Variants in TNS3 observed in about 807,000 individuals in gnomAD.
TNS3 encodes tensin 3.
In TNS3, 45 loss-of-function variants were observed where a neutral mutation model predicts 140.9. The ratio of observed to expected loss-of-function variants is 0.32; its 90% CI spans 0.25 to 0.41. The LOEUF is 0.41. Ranked by LOEUF, TNS3 falls within the 10% of genes least tolerant of loss-of-function variation. The probability of loss-of-function intolerance (pLI) is 1.00; values close to 1 mark genes in which losing one functional copy is unlikely to be tolerated. For missense variants in TNS3, 1,716 were observed against 1,906.7 expected (o/e 0.90, Z 1.86); for synonymous variants, 815 against 788.4 (o/e 1.03, Z -0.56).
At chr7:47,576,961 C>A (rs569364082) in intron 1 of TNS3, among the ~76,000 whole-genome samples, 3 of 152,354 alleles carry the variant, frequency 2.0e-5, no homozygotes, top group Non-Finnish European at 4.4e-5. Flanking sequence ...AGTATCGCCA[C>A]GAGTGTATTC....
chr7:47,298,821 G>A (rs6978716), intron 23 of TNS3, among the ~76,000 whole-genome samples: 2 of 152,258 alleles, frequency 1.3e-5, no homozygotes, highest in African/African-American at 2.4e-5. Flanking sequence ...TTCAATGTCT[G>A]CACCGTGGCC....
intron 20 of TNS3, among the ~76,000 whole-genome samples, chr7:47,342,013 G>A (rs1789046548): frequency 6.6e-6 from 1 of 152,234 alleles, no homozygotes; most frequent in East Asian, 1.9e-4. Flanking sequence ...AAGTGTTGAA[G>A]GTGTTCCTGT....
intron 1 of TNS3, chr7:47,557,231 A>G: frequency 2.3e-6 from 1 of 429,240 alleles, no homozygotes; most frequent in Non-Finnish European, 4.8e-6. Context: ...CGTAAGGGAG[A>G]GGCTGACTTT....
At chr7:47,410,932 TCTC>T (rs1323102694) in intron 13 of TNS3, among the ~76,000 whole-genome samples, 4 of 152,330 alleles carry the variant, frequency 2.6e-5, no homozygotes, top group South Asian at 2.1e-4. Context: ...TAATGGCTAA[TCTC>T]CTCCAAGAAC....
chr7:47,330,939 C>T (rs1788305303), intron 20 of TNS3, among the ~76,000 whole-genome samples: 3 of 152,186 alleles, frequency 2.0e-5, no homozygotes, highest in African/African-American at 4.8e-5. Context: ...CCCATCACCT[C>T]CCACATCTCT....
At chr7:47,567,176 G>A (rs1800448203) in intron 1 of TNS3, among the ~76,000 whole-genome samples, 2 of 152,102 alleles carry the variant, frequency 1.3e-5, no homozygotes, top group Admixed American at 6.6e-5. Flanking sequence ...TTCATACTGT[G>A]CAACAATCTA....
chr7:47,324,742 A>T (rs189847036), intron 20 of TNS3, among the ~76,000 whole-genome samples: 1 of 152,330 alleles, frequency 6.6e-6, no homozygotes, highest in Admixed American at 6.5e-5. Flanking sequence ...ACAAAGTGAG[A>T]CTCCATCTAA....
At chr7:47,474,979 C>G (rs1238185311) in intron 4 of TNS3, among the ~76,000 whole-genome samples, 1 of 149,020 alleles carries the variant, frequency 6.7e-6, no homozygotes, top group Admixed American at 6.7e-5. Context: ...ACACTACACA[C>G]ACTGCAACGC....
At chr7:47,344,541 C>G (rs1052671227) in intron 20 of TNS3, among the ~76,000 whole-genome samples, 3 of 152,320 alleles carry the variant, frequency 2.0e-5, no homozygotes, top group African/African-American at 7.2e-5. Context: ...CACAGGATGC[C>G]AGGCAGCGAT....
intron 26 of TNS3, 152 bp downstream of exon 26, chr7:47,292,676 C>CCT (rs1196203742): frequency 1.7e-6 from 1 of 586,130 alleles, no homozygotes; most frequent in African/African-American, 1.9e-5. Context: ...TTTGGATGAA[C>CCT]TCATTGGCCT....
chr7:47,347,192 G>A (rs2470990), intron 17 of TNS3, among the ~76,000 whole-genome samples: 2,672 of 152,326 alleles, frequency 0.018, 24 homozygotes, highest in Non-Finnish European at 0.028. Flanking sequence ...CCCTGTAAGT[G>A]TAGAGTGCAG....
chr7:47,318,857 T>G (rs370333634), intron 20 of TNS3, among the ~76,000 whole-genome samples: 1 of 152,178 alleles, frequency 6.6e-6, no homozygotes, highest in Non-Finnish European at 1.5e-5. Context: ...CCTAAGATGC[T>G]TGGTTCCAAG....
intron 3 of TNS3, among the ~76,000 whole-genome samples, chr7:47,506,621 G>A (rs1798426589): frequency 6.6e-6 from 1 of 151,820 alleles, no homozygotes; most frequent in African/African-American, 2.4e-5. Context: ...GAGAAACCAG[G>A]GACCATGTGC....
intron 20 of TNS3, among the ~76,000 whole-genome samples, chr7:47,322,213 CAAAAAAAAAAA>C (rs759875153): frequency 5.8e-4 from 29 of 49,922 alleles, no homozygotes; most frequent in African/African-American, 1.7e-3. Flanking sequence ...GTAGAACGGG[CAAAAAAAAAAA>C]AAAAAAAAAA....
At chr7:47,323,938 C>T (rs1010896001) in intron 20 of TNS3, among the ~76,000 whole-genome samples, 2 of 152,110 alleles carry the variant, frequency 1.3e-5, no homozygotes, top group Non-Finnish European at 2.9e-5. Context: ...GGAAAAAATC[C>T]GGAAAAACGT....
At position 47,362,041 on chromosome 7, in the gene TNS3, C is replaced by G. The variant is rs146586133; in HGVS notation, c.2281+6324G>C. 3.5e-4 allele frequency among the ~76,000 whole-genome samples: 54 copies of G among 152,226 alleles called. 1 individual carries two copies. In the Middle Eastern group the frequency reaches 0.014, roughly 38 times the overall value. On this transcript the variant is annotated intron_variant, in intron 17 of 30. Transcript: ENST00000311160. ...TTCTCCCACTTAAAAGGGTATGATA[C>G]AAAAAACCCACCACGTGCAGGCTGA... is the stretch of plus-strand genomic sequence containing the variant.
intron 1 of TNS3, among the ~76,000 whole-genome samples, chr7:47,542,926 CAA>C (rs33935034): frequency 9.6e-5 from 13 of 135,134 alleles, no homozygotes; most frequent in African/African-American, 1.9e-4. Flanking sequence ...GCAAGACTGT[CAA>C]AAAAAAAAAA....
intron 4 of TNS3, among the ~76,000 whole-genome samples, chr7:47,478,672 CAT>C (rs1797289364): frequency 6.6e-6 from 1 of 151,854 alleles, no homozygotes; most frequent in South Asian, 2.1e-4. Flanking sequence ...TATACACTCA[CAT>C]ATAAAGACTG....
intron 1 of TNS3, among the ~76,000 whole-genome samples, chr7:47,569,128 A>G (rs1226583972): frequency 5.9e-5 from 9 of 152,250 alleles, no homozygotes; most frequent in Admixed American, 5.9e-4. Context: ...TCCCCGATGC[A>G]GTATTTGTGA....
Sources: allele counts gnomAD v4.1 joint callset (sites outside exome capture counted in the v4.1 genomes callset), GRCh38; gene constraint gnomAD v4.1.1; transcripts MANE v1.5; gene names NCBI Gene and HGNC (gene_info 2026-07-23, HGNC 2026-07-21).